The following CHST11 variants were observed in gnomAD, a reference collection of about 807,000 sequenced individuals.
The protein encoded by CHST11 is carbohydrate sulfotransferase 11, also known as C4S-1.
Under a neutral mutation model 30.4 loss-of-function variants are expected in CHST11, and 9 were observed. That is an observed-to-expected ratio of 0.30 (90% confidence interval 0.18 to 0.52). CHST11 has a LOEUF of 0.52. Ranked by LOEUF, CHST11 falls within the 20% of genes least tolerant of loss-of-function variation. CHST11 has a pLI of 0.97. For missense variants in CHST11, 348 were observed against 460.6 expected, an observed-to-expected ratio of 0.76 and a Z score of 2.24; for synonymous variants, 152 against 187.8, an observed-to-expected ratio of 0.81 and a Z score of 1.56.
At chr12:104,471,783 A>C (rs1441212968) in intron 1 of CHST11, among the ~76,000 whole-genome samples, 1 of 152,208 alleles carries the variant, frequency 6.6e-6, no homozygotes, top group Non-Finnish European at 1.5e-5. Context: ...TTTGGTACTA[A>C]GTCTCCAGAA....
At chr12:104,493,981 G>T (rs1333275116) in intron 1 of CHST11, among the ~76,000 whole-genome samples, 1 of 152,128 alleles carries the variant, frequency 6.6e-6, no homozygotes, top group Non-Finnish European at 1.5e-5. Context: ...ACACCACCAT[G>T]CCTGGGTAAT....
chr12:104,496,943 G>A (rs1367728518), intron 1 of CHST11, among the ~76,000 whole-genome samples: 1 of 152,140 alleles, frequency 6.6e-6, no homozygotes, highest in Non-Finnish European at 1.5e-5. Flanking sequence ...TACCTCTGCA[G>A]TTATGATTGT....
At chr12:104,681,010 G>A (rs910200962) in intron 2 of CHST11, among the ~76,000 whole-genome samples, 6 of 152,236 alleles carry the variant, frequency 3.9e-5, no homozygotes, top group African/African-American at 1.4e-4. Context: ...AAGGGTTGTT[G>A]TGAGGATGAA....
At chr12:104,566,495 C>G (rs1301986022) in intron 1 of CHST11, among the ~76,000 whole-genome samples, 14 of 152,152 alleles carry the variant, frequency 9.2e-5, no homozygotes, top group Admixed American at 4.6e-4. Flanking sequence ...GGGAGATAGT[C>G]CTCCATCCCC....
At chr12:104,457,578 C>A in intron 1 of CHST11, 49 bp downstream of exon 1, 1 of 1,269,436 alleles carries the variant, frequency 7.9e-7, no homozygotes, top group Non-Finnish European at 1.2e-6. Flanking sequence ...TTCTCTCTCG[C>A]GCTCTAGCTC....
chr12:104,521,324 T>C (rs1592743895), intron 1 of CHST11, among the ~76,000 whole-genome samples: 1 of 152,368 alleles, frequency 6.6e-6, no homozygotes. Flanking sequence ...TATGATTACA[T>C]GCAGGTTGGT....
chr12:104,495,752 G>A (rs1028204688), intron 1 of CHST11, among the ~76,000 whole-genome samples: 1 of 152,200 alleles, frequency 6.6e-6, no homozygotes. Flanking sequence ...CTTGGAGAAT[G>A]TAAGGAACTC....
intron 1 of CHST11, among the ~76,000 whole-genome samples, chr12:104,536,163 C>A (rs988481078): frequency 1.3e-5 from 2 of 152,208 alleles, no homozygotes; most frequent in African/African-American, 4.8e-5. Context: ...GGGAAAGTAT[C>A]TTCGGGATGA....
intron 2 of CHST11, among the ~76,000 whole-genome samples, chr12:104,614,671 GCATGTGTGTGTGCATGCATGCT>G (rs1324917286): frequency 1.3e-5 from 2 of 148,586 alleles, no homozygotes; most frequent in Non-Finnish European, 3.0e-5. Context: ...GCATGCTTAT[GCATGTGTGTGTGCATGCATGCT>G]TGTGTGTGTG....
At position 104,523,303 on chromosome 12, in the gene CHST11, C is replaced by T. The variant is rs182505881; in HGVS notation, c.118+65774C>T. Reference sequence around the variant, plus strand: ...CTTAATACTGGGAGAATTCTTTTCGCTTCCTGGAGGACCCACATGCTTTGG... The same window carrying T: ...CTTAATACTGGGAGAATTCTTTTCGTTTCCTGGAGGACCCACATGCTTTGG... On this transcript the variant is annotated intron_variant, in intron 1 of 2. Coordinates refer to ENST00000303694, the MANE Select transcript of CHST11 (RefSeq NM_018413.6). Among the ~76,000 whole-genome samples the T allele has an allele frequency of 6.1e-3, 933 of 152,286 alleles. 4 individuals are homozygous for T. Among genetic ancestry groups the T allele is most frequent in the Non-Finnish European group, 0.01 (690 of 68,028 alleles).
intron 2 of CHST11, among the ~76,000 whole-genome samples, chr12:104,696,266 C>T (rs2039943953): frequency 6.6e-6 from 1 of 151,994 alleles, no homozygotes; most frequent in African/African-American, 2.4e-5. Context: ...ACTTTTTACT[C>T]ACCATCCTGA....
At chr12:104,537,856 C>T (rs757856015) in intron 1 of CHST11, among the ~76,000 whole-genome samples, 2 of 151,922 alleles carry the variant, frequency 1.3e-5, no homozygotes, top group East Asian at 3.9e-4. Context: ...CCACCATGCC[C>T]GGCTAACTTT....
intron 1 of CHST11, among the ~76,000 whole-genome samples, chr12:104,582,571 C>A (rs1358188122): frequency 6.6e-6 from 1 of 152,128 alleles, no homozygotes; most frequent in East Asian, 1.9e-4. Context: ...CATTTCACGT[C>A]CCCTCTGCAC....
At position 104,627,723 on chromosome 12, in the gene CHST11, T is replaced by TA. The variant is rs561377855; in HGVS notation, c.204+25732_204+25733insA. Among the ~76,000 whole-genome samples the TA allele has an allele frequency of 2.9e-4, 44 of 152,288 alleles. No homozygotes were observed. The South Asian group carries it at 9.1e-3, about 32-fold the overall frequency. ...GCATTTAATACATCTTTAACACAAA[T>TA]CAGGATTGTAGAAGATTAGGGCTTA... is the stretch of plus-strand genomic sequence containing the variant. On this transcript the variant is annotated intron_variant, in intron 2 of 2. Transcript: ENST00000303694.
At chr12:104,567,925 A>G (rs2038583500) in intron 1 of CHST11, among the ~76,000 whole-genome samples, 1 of 152,192 alleles carries the variant, frequency 6.6e-6, no homozygotes, top group African/African-American at 2.4e-5. Flanking sequence ...CAGACACCGA[A>G]TCTGCTATTG....
At chr12:104,563,150 C>T (rs1427232763) in intron 1 of CHST11, among the ~76,000 whole-genome samples, 2 of 152,158 alleles carry the variant, frequency 1.3e-5, no homozygotes, top group African/African-American at 4.8e-5. Context: ...AAGTGATTCT[C>T]GTGTCTCAGC....
At chr12:104,507,837 G>A (rs892849711) in intron 1 of CHST11, among the ~76,000 whole-genome samples, 2 of 151,940 alleles carry the variant, frequency 1.3e-5, no homozygotes, top group Non-Finnish European at 2.9e-5. Context: ...TTTCTCACCC[G>A]CCCCCCACCA....
At chr12:104,749,819 T>G (rs991265709) in intron 2 of CHST11, among the ~76,000 whole-genome samples, 1 of 152,194 alleles carries the variant, frequency 6.6e-6, no homozygotes, top group African/African-American at 2.4e-5. Context: ...TTTGACATGG[T>G]GGCAAAGAAT....
At chr12:104,547,581 A>G (rs1386902553) in intron 1 of CHST11, among the ~76,000 whole-genome samples, 2 of 152,162 alleles carry the variant, frequency 1.3e-5, no homozygotes, top group Admixed American at 1.3e-4. Context: ...ATGAGAGAAT[A>G]GCACAAGACG....
Sources: allele counts gnomAD v4.1 joint callset (sites outside exome capture counted in the v4.1 genomes callset), GRCh38; gene constraint gnomAD v4.1.1; transcripts MANE v1.5; gene names NCBI Gene and HGNC (gene_info 2026-07-23, HGNC 2026-07-21).